Variants in ARB2A observed in about 807,000 individuals in gnomAD.
ARB2A encodes cotranscriptional regulator ARB2A.
the ARB2A span, among the ~76,000 whole-genome samples, chr5:93,821,812 C>T: frequency 3.3e-5 from 5 of 151,876 alleles, no homozygotes; most frequent in Non-Finnish European, 7.4e-5. Context: ...TTAAAGGAAT[C>T]CATTGTATGA....
chr5:93,694,840 T>C, the ARB2A span, among the ~76,000 whole-genome samples: 1 of 151,928 alleles, frequency 6.6e-6, no homozygotes, highest in Non-Finnish European at 1.5e-5. Flanking sequence ...CCAAAACAGA[T>C]ATATTGACCA....
the ARB2A span, among the ~76,000 whole-genome samples, chr5:94,014,684 TA>T: frequency 1.3e-5 from 2 of 152,138 alleles, no homozygotes; most frequent in Admixed American, 1.3e-4. Flanking sequence ...CACAGAAATT[TA>T]ATGAGACTGA....
At chr5:93,797,284 C>G in the ARB2A span, among the ~76,000 whole-genome samples, 1 of 152,108 alleles carries the variant, frequency 6.6e-6, no homozygotes, top group South Asian at 2.1e-4. Context: ...CATTTTCTTT[C>G]ATGTGTCTAT....
At chr5:93,684,250 T>C in the ARB2A span, among the ~76,000 whole-genome samples, 3 of 152,190 alleles carry the variant, frequency 2.0e-5, no homozygotes, top group African/African-American at 7.2e-5. Flanking sequence ...GGAGTCAGAA[T>C]TGCAGTGTTT....
At chr5:93,627,450 T>TG in the ARB2A span, among the ~76,000 whole-genome samples, 1 of 149,274 alleles carries the variant, frequency 6.7e-6, no homozygotes, top group South Asian at 2.1e-4. Flanking sequence ...TTTGTTTTTT[T>TG]TTTTTTTTTT....
At chr5:93,903,537 T>C in the ARB2A span, among the ~76,000 whole-genome samples, 2 of 152,048 alleles carry the variant, frequency 1.3e-5, no homozygotes, top group Middle Eastern at 3.2e-3. Flanking sequence ...TTCTCTGCCA[T>C]GTATTTTTCA....
the ARB2A span, among the ~76,000 whole-genome samples, chr5:94,019,075 T>A: frequency 6.6e-6 from 1 of 152,178 alleles, no homozygotes; most frequent in African/African-American, 2.4e-5. Context: ...GATTCCATAT[T>A]TAATACATGG....
At chr5:93,955,919 G>T in the ARB2A span, among the ~76,000 whole-genome samples, 4 of 152,164 alleles carry the variant, frequency 2.6e-5, no homozygotes, top group Non-Finnish European at 5.9e-5. Flanking sequence ...CAGTGGAAAT[G>T]CCTAAAAAGG....
the ARB2A span, among the ~76,000 whole-genome samples, chr5:94,042,314 C>CTTTTTT: frequency 9.9e-4 from 102 of 102,990 alleles, no homozygotes; most frequent in Non-Finnish European, 1.2e-3. Flanking sequence ...AAAAGATCAG[C>CTTTTTT]TTTTTTTTTT....
the ARB2A span, among the ~76,000 whole-genome samples, chr5:93,730,478 GTAT>G: frequency 6.6e-6 from 1 of 151,970 alleles, no homozygotes; most frequent in Non-Finnish European, 1.5e-5. Context: ...TATAATATCT[GTAT>G]TATTTAATGG....
At chr5:93,815,031 C>T in the ARB2A span, among the ~76,000 whole-genome samples, 3 of 151,646 alleles carry the variant, frequency 2.0e-5, no homozygotes, top group Non-Finnish European at 2.9e-5. Context: ...TTTGTACAAA[C>T]GAGGTCTTCC....
chr5:93,847,384 C>T, the ARB2A span, among the ~76,000 whole-genome samples: 9 of 152,186 alleles, frequency 5.9e-5, no homozygotes, highest in African/African-American at 1.7e-4. Context: ...TAAGGGCACA[C>T]CAAATGTTTC....
chr5:93,867,453 C>G, the ARB2A span, among the ~76,000 whole-genome samples: 1 of 152,116 alleles, frequency 6.6e-6, no homozygotes, highest in South Asian at 2.1e-4. Context: ...GAGTCTCGCT[C>G]TGTCGCCAGG....
At chr5:93,830,815 G>A in the ARB2A span, among the ~76,000 whole-genome samples, 2,859 of 152,148 alleles carry the variant, frequency 0.019, 44 homozygotes, top group Non-Finnish European at 0.027. Flanking sequence ...GGTGCATTAC[G>A]TTTATTGTGC....
At chr5:94,026,907 A>T in the ARB2A span, among the ~76,000 whole-genome samples, 1 of 152,196 alleles carries the variant, frequency 6.6e-6, no homozygotes, top group African/African-American at 2.4e-5. Context: ...AGCAGAAGTG[A>T]AAAGTCAGAC....
chr5:93,739,416 A>C, the ARB2A span: 33 of 152,316 alleles, frequency 2.2e-4, no homozygotes, highest in African/African-American at 7.5e-4. Flanking sequence ...ATACTTTGAA[A>C]ATACCTATAG....
the ARB2A span, among the ~76,000 whole-genome samples, chr5:94,034,078 G>A: frequency 3.3e-5 from 5 of 152,180 alleles, no homozygotes; most frequent in African/African-American, 4.8e-5. Flanking sequence ...CAGAAGTTGA[G>A]CAGATGCCAG....
At chr5:94,057,721 T>G in the ARB2A span, among the ~76,000 whole-genome samples, 1 of 152,082 alleles carries the variant, frequency 6.6e-6, no homozygotes, top group South Asian at 2.1e-4. Context: ...AGAAGACACA[T>G]GTAAAAGAAC....
the ARB2A span, among the ~76,000 whole-genome samples, chr5:93,718,729 G>A: frequency 1.3e-5 from 2 of 152,278 alleles, no homozygotes; most frequent in South Asian, 4.1e-4. Context: ...TTACTTCTAA[G>A]GAGTGGCTTC....
Sources: allele counts gnomAD v4.1 joint callset (sites outside exome capture counted in the v4.1 genomes callset), GRCh38; gene constraint gnomAD v4.1.1; transcripts MANE v1.5; gene names NCBI Gene and HGNC (gene_info 2026-07-23, HGNC 2026-07-21).